Variants in CDHR3 observed in about 807,000 individuals in gnomAD.
CDHR3 encodes cadherin related family member 3, also known as cadherin-related family member 3.
In CDHR3, 79 loss-of-function variants were observed where a neutral mutation model predicts 86.6. The observed-to-expected ratio is 0.91, with a 90% CI of 0.76 to 1.10. CDHR3 has a LOEUF of 1.10. CDHR3 is among the 50% of genes least tolerant of loss of function. The pLI, the probability that CDHR3 is intolerant of heterozygous loss-of-function variation, is 0.00. For synonymous variants in CDHR3, 421 were observed against 402.4 expected (o/e 1.05, Z -0.55); for missense variants, 1,081 against 1,077.6 (o/e 1.00, Z -0.04).
intron 10 of CDHR3, 48 bp downstream of exon 10, chr7:106,015,261 A>G (rs775579966): frequency 1.8e-5 from 27 of 1,481,316 alleles, no homozygotes; most frequent in Admixed American, 5.8e-5. Flanking sequence ...TTGAGTATCA[A>G]TGACCAAACT....
chr7:106,023,042 T>C (rs1385751372), intron 14 of CDHR3, among the ~76,000 whole-genome samples: 2 of 152,202 alleles, frequency 1.3e-5, no homozygotes, highest in African/African-American at 4.8e-5. Context: ...GCTTATTGTA[T>C]AGGCGAGTGA....
intron 9 of CDHR3, among the ~76,000 whole-genome samples, chr7:106,014,666 T>C (rs1835306897): frequency 6.6e-6 from 1 of 152,210 alleles, no homozygotes; most frequent in Admixed American, 6.5e-5. Context: ...TATGTGAATA[T>C]GGCTTCTCTC....
chr7:106,020,492 A>G lies in CDHR3; in HGVS notation c.1773A>G (p.Thr591=), dbSNP rs2115878048. Residue 591 remains threonine (T), a synonymous_variant, in exon 13 of 19, where the codon ACA becomes ACG. Transcript: ENST00000317716. ...CAAATATTCAGAATTTCAAGCTGAC[A>G]TGTACCGACCTTGATTCCAGCCCCA... is the stretch of plus-strand genomic sequence containing the variant. ...VGTNIQNFKL[T]CTDLDSSPRS... 6.2e-7 allele frequency: 1 copy of G among 1,614,002 alleles called. No individual in the cohort carries two copies. Among genetic ancestry groups the G allele is most frequent in the African/African-American group, 1.3e-5 (1 of 75,042 alleles).
intron 14 of CDHR3, among the ~76,000 whole-genome samples, chr7:106,024,014 T>C (rs554659360): frequency 6.6e-6 from 1 of 152,200 alleles, no homozygotes; most frequent in African/African-American, 2.4e-5. Context: ...AAAAAACAAC[T>C]TTCGTGGCTT....
At chr7:106,015,278 G>C in intron 10 of CDHR3, 65 bp downstream of exon 10, 1 of 1,365,518 alleles carries the variant, frequency 7.3e-7, no homozygotes, top group East Asian at 2.5e-5. Flanking sequence ...AACTCTGCTG[G>C]GCAATACTAG....
Position 105,963,367 on chromosome 7 carries a change from A to C in CDHR3, c.46+3A>C. ...GGCTCTCCTGGGTGCCATGTCAGGTAGGAACTCAATTTTGCTTTGGAACCT... is the reference window on the plus strand; with the variant it reads ...GGCTCTCCTGGGTGCCATGTCAGGTCGGAACTCAATTTTGCTTTGGAACCT... On this transcript the variant is annotated splice_donor_region_variant and intron_variant, in intron 1 of 18. Coordinates refer to ENST00000317716, the MANE Select transcript of CDHR3 (RefSeq NM_152750.5). 6.2e-7 allele frequency: 1 copy of C among 1,613,954 alleles called. No individual in the cohort carries two copies. Among genetic ancestry groups the C allele is most frequent in the Non-Finnish European group, 8.5e-7 (1 of 1,179,810 alleles).
chr7:105,987,613 G>C (rs369663138), intron 4 of CDHR3, among the ~76,000 whole-genome samples: 29 of 152,140 alleles, frequency 1.9e-4, no homozygotes, highest in African/African-American at 7.0e-4. Flanking sequence ...AACCACTGGG[G>C]GAGCTTTAAA....
chr7:106,007,540 A>T (rs1834118797), intron 8 of CDHR3, among the ~76,000 whole-genome samples: 1 of 152,212 alleles, frequency 6.6e-6, no homozygotes, highest in Non-Finnish European at 1.5e-5. Context: ...AAAGTTCTAC[A>T]AGTCTCTAGG....
Position 105,994,077 on chromosome 7 carries a change from A to G in CDHR3, c.514-674A>G, listed in dbSNP as rs1051644957. On this transcript the variant is annotated intron_variant, in intron 4 of 18. Coordinates refer to ENST00000317716, the MANE Select transcript of CDHR3 (RefSeq NM_152750.5). ...TGGACTGTAAGCCCTGTTATGTTTC[A>G]TTCTCAGCTCACCCTTGTCCCTTGT... 2.6e-5 allele frequency among the ~76,000 whole-genome samples: 4 copies of G among 152,312 alleles called. No individual in the cohort carries two copies. The East Asian group carries it at 5.8e-4, about 22-fold the overall frequency.
intron 1 of CDHR3, among the ~76,000 whole-genome samples, chr7:105,970,051 T>C (rs981790862): frequency 6.6e-6 from 1 of 152,140 alleles, no homozygotes; most frequent in Non-Finnish European, 1.5e-5. Context: ...GAACTGATTT[T>C]GTTCACTGCT....
intron 3 of CDHR3, 132 bp downstream of exon 3, chr7:105,981,265 G>A: frequency 1.2e-6 from 1 of 823,816 alleles, no homozygotes; most frequent in Non-Finnish European, 1.8e-6. Flanking sequence ...TTAATGAGCA[G>A]GGAATAAATG....
chr7:105,971,054 T>A (rs996548370), intron 1 of CDHR3, among the ~76,000 whole-genome samples: 18 of 149,574 alleles, frequency 1.2e-4, no homozygotes, highest in African/African-American at 4.4e-4. Flanking sequence ...GGCAGGAGAA[T>A]GGCGTGAACC....
At chr7:105,978,161 C>T (rs531001069) in intron 2 of CDHR3, among the ~76,000 whole-genome samples, 4 of 152,120 alleles carry the variant, frequency 2.6e-5, no homozygotes, top group African/African-American at 7.2e-5. Context: ...TGTTCATAGC[C>T]CTCATGCTGC....
In CDHR3 at chr7:106,034,630, T is replaced by A. The variant is rs1209313384; in HGVS notation, c.*1933T>A. Among the ~76,000 whole-genome samples, 1 of 152,232 alleles carries A rather than the reference T, an allele frequency of 6.6e-6. No individual in the cohort carries two copies. The highest frequency in any genetic ancestry group is 1.5e-5 in the Non-Finnish European group (1 of 68,038). On this transcript the variant is annotated 3_prime_UTR_variant, in exon 19 of 19. Coordinates refer to ENST00000317716, the MANE Select transcript of CDHR3 (RefSeq NM_152750.5). Reference sequence around the variant, plus strand: ...AACTGTTCATTTATGCAGGTTAAAGTGAGTGAAGTGGCTGATTGCCCATTT... The same window carrying A: ...AACTGTTCATTTATGCAGGTTAAAGAGAGTGAAGTGGCTGATTGCCCATTT...
At chr7:105,990,991 C>T (rs539622245) in intron 4 of CDHR3, among the ~76,000 whole-genome samples, 11 of 152,204 alleles carry the variant, frequency 7.2e-5, no homozygotes, top group South Asian at 4.1e-4. Flanking sequence ...TGCAAAGGGG[C>T]GGCAAATAGA....
intron 10 of CDHR3, 35 bp downstream of exon 10, chr7:106,015,248 T>G (rs772233985): frequency 8.5e-6 from 13 of 1,537,250 alleles, no homozygotes; most frequent in Non-Finnish European, 1.2e-5. Context: ...ATGATTGTCT[T>G]TCTTGAGTAT....
intron 3 of CDHR3, among the ~76,000 whole-genome samples, chr7:105,982,475 A>AG (rs900901212): frequency 2.8e-4 from 41 of 148,936 alleles, no homozygotes; most frequent in Middle Eastern, 3.5e-3. Context: ...TCTCAAAAAA[A>AG]AAAAAGAAAA....
intron 1 of CDHR3, among the ~76,000 whole-genome samples, chr7:105,969,866 G>A (rs1383870996): frequency 6.6e-6 from 1 of 152,124 alleles, no homozygotes; most frequent in Non-Finnish European, 1.5e-5. Flanking sequence ...GTCTTCTTTA[G>A]CAAAGGAACC....
intron 16 of CDHR3, among the ~76,000 whole-genome samples, chr7:106,027,302 C>G (rs1837508947): frequency 6.6e-6 from 1 of 151,588 alleles, no homozygotes; most frequent in Admixed American, 6.6e-5. Context: ...GAGGCTGAGG[C>G]AGGAGAATTG....
Sources: gnomAD v4.1 joint callset for allele counts (sites outside exome capture counted in the v4.1 genomes callset) on GRCh38, gnomAD v4.1.1 for gene constraint, MANE v1.5 for transcripts, NCBI Gene and HGNC (gene_info 2026-07-23, HGNC 2026-07-21) for gene names.